The following KSR2 variants were observed in gnomAD, a reference collection of about 807,000 sequenced individuals.
The protein encoded by KSR2 is kinase suppressor of ras 2.
Under a neutral mutation model 107.8 loss-of-function variants are expected in KSR2, and 25 were observed. The observed-to-expected ratio is 0.23, with a 90% confidence interval of 0.17 to 0.32. The LOEUF (loss-of-function observed/expected upper bound fraction) is 0.32. Among genes scored for constraint, KSR2 ranks in the 10% least tolerant of loss-of-function variants. KSR2 has a pLI of 1.00. For synonymous variants in KSR2, 480 were observed against 507.0 expected (o/e 0.95, Z 0.71); for missense variants, 887 against 1,268.9 (o/e 0.70, Z 4.57).
chr12:117,622,481 T>C (rs952408720), intron 5 of KSR2, among the ~76,000 whole-genome samples: 3 of 152,156 alleles, frequency 2.0e-5, no homozygotes, highest in Non-Finnish European at 4.4e-5. Flanking sequence ...TTTGTGCAAT[T>C]TGAGTGTTGT....
chr12:117,804,460 C>G (rs1271825746), intron 3 of KSR2, among the ~76,000 whole-genome samples: 1 of 152,150 alleles, frequency 6.6e-6, no homozygotes, highest in East Asian at 1.9e-4. Context: ...AAAAAGTTAG[C>G]TCACCCCTGC....
intron 4 of KSR2, among the ~76,000 whole-genome samples, chr12:117,698,478 GC>G (rs1886161771): frequency 6.6e-6 from 1 of 150,940 alleles, no homozygotes; most frequent in Non-Finnish European, 1.5e-5. Context: ...ACCACTCCCA[GC>G]TATTTTTTTT....
intron 3 of KSR2, among the ~76,000 whole-genome samples, chr12:117,764,239 C>T (rs569815804): frequency 2.9e-4 from 44 of 150,010 alleles, no homozygotes; most frequent in East Asian, 1.8e-3. Flanking sequence ...TGGTTTGGGG[C>T]GGATTTTTTT....
At chr12:117,889,647 G>A (rs1894282163) in intron 1 of KSR2, 1 of 152,184 alleles carries the variant, frequency 6.6e-6, no homozygotes, top group Non-Finnish European at 1.5e-5. Flanking sequence ...CAGATGGATA[G>A]ACTGCAGAAG....
intron 1 of KSR2, among the ~76,000 whole-genome samples, chr12:117,935,840 A>G (rs976693429): frequency 3.4e-4 from 52 of 152,284 alleles, no homozygotes; most frequent in African/African-American, 1.2e-3. Flanking sequence ...GCTGTTCCTC[A>G]GACACCTCAG....
chr12:117,803,014 G>A (rs1890887322), intron 3 of KSR2, among the ~76,000 whole-genome samples: 1 of 152,176 alleles, frequency 6.6e-6, no homozygotes, highest in African/African-American at 2.4e-5. Flanking sequence ...TGTCATTACT[G>A]GATGTTTACC....
chr12:117,618,513 T>C (rs1257299401), intron 5 of KSR2, among the ~76,000 whole-genome samples: 2 of 152,074 alleles, frequency 1.3e-5, no homozygotes, highest in African/African-American at 4.8e-5. Context: ...TGGCCTGATA[T>C]GGTTTGGCTG....
chr12:117,603,012 G>A (rs542259705), intron 5 of KSR2, among the ~76,000 whole-genome samples: 1 of 152,264 alleles, frequency 6.6e-6, no homozygotes, highest in East Asian at 1.9e-4. Flanking sequence ...GCAAATTGAG[G>A]AACTTTGCTT....
chr12:117,732,041 TA>T (rs35351348), intron 4 of KSR2, among the ~76,000 whole-genome samples: 11 of 147,532 alleles, frequency 7.5e-5, no homozygotes, highest in South Asian at 2.2e-4. Flanking sequence ...CAAATACTAT[TA>T]AAAAAAAAAG....
chr12:117,512,230 C>G (rs980037782), intron 14 of KSR2, among the ~76,000 whole-genome samples: 2 of 152,206 alleles, frequency 1.3e-5, no homozygotes, highest in Non-Finnish European at 2.9e-5. Context: ...TCCCATTTGT[C>G]CTTTCAACAC....
At chr12:117,831,241 C>G (rs548565875) in intron 3 of KSR2, among the ~76,000 whole-genome samples, 221 of 152,278 alleles carry the variant, frequency 1.5e-3, no homozygotes, top group Non-Finnish European at 2.6e-3. Flanking sequence ...TTTTTCCATC[C>G]TGGTTCTTAA....
At chr12:117,819,402 T>A (rs1439261591) in intron 3 of KSR2, among the ~76,000 whole-genome samples, 1 of 152,092 alleles carries the variant, frequency 6.6e-6, no homozygotes, top group Admixed American at 6.6e-5. Flanking sequence ...GGATCCAGAG[T>A]TGCTGAGAGC....
intron 5 of KSR2, among the ~76,000 whole-genome samples, chr12:117,614,897 C>T (rs1201081967): frequency 6.6e-6 from 1 of 152,052 alleles, no homozygotes; most frequent in Non-Finnish European, 1.5e-5. Context: ...GTTTTTTGTC[C>T]TGACATCTTT....
Position 117,678,641 on chromosome 12 carries a change from G to A in KSR2, c.987-10983C>T, listed in dbSNP as rs1303782809. On this transcript the variant is annotated intron_variant, in intron 4 of 19. Coordinates refer to ENST00000339824, the MANE Select transcript of KSR2 (RefSeq NM_173598.6). ...CAGGATCTGGCCTGGGAGGAATATG[G>A]TTCCCCTATGGTCACGGGATCTGTT... Among the ~76,000 whole-genome samples, 4 of 152,154 alleles carry A rather than the reference G, an allele frequency of 2.6e-5. No homozygotes were observed. The East Asian group carries it at 5.8e-4, about 22-fold the overall frequency.
chr12:117,879,796 G>A (rs1222008684), intron 1 of KSR2, among the ~76,000 whole-genome samples: 1 of 152,168 alleles, frequency 6.6e-6, no homozygotes, highest in Non-Finnish European at 1.5e-5. Context: ...ATTAACCAAC[G>A]TTGCAATTGG....
At chr12:117,773,465 A>G (rs1036437510) in intron 3 of KSR2, among the ~76,000 whole-genome samples, 1 of 152,196 alleles carries the variant, frequency 6.6e-6, no homozygotes, top group Admixed American at 6.5e-5. Context: ...GTCCCTTCCC[A>G]TTAAAATGTT....
At chr12:117,873,129 G>C (rs1239657391) in intron 1 of KSR2, among the ~76,000 whole-genome samples, 1 of 152,080 alleles carries the variant, frequency 6.6e-6, no homozygotes, top group East Asian at 1.9e-4. Flanking sequence ...CAGATCACCT[G>C]AGGTCAGGAG....
rs552061881 is a variant in KSR2 at position 117,722,043 on chromosome 12, TA to T, written c.986+38967del. ...TTAAATGTGTAATTCCATTTAATTTTATTTTTTTTTAACATTTTTTTAAGGG... is the reference window on the plus strand; with the variant it reads ...TTAAATGTGTAATTCCATTTAATTTTTTTTTTTTTAACATTTTTTTAAGGG... On this transcript the variant is annotated intron_variant, in intron 4 of 19. Transcript: ENST00000339824. Among the ~76,000 whole-genome samples the T allele has an allele frequency of 2.6e-5, 4 of 151,962 alleles. No homozygotes were observed. In the South Asian group the frequency reaches 8.3e-4, roughly 32 times the overall value.
intron 10 of KSR2, among the ~76,000 whole-genome samples, chr12:117,535,506 C>A (rs1875980189): frequency 6.6e-6 from 1 of 152,062 alleles, no homozygotes; most frequent in African/African-American, 2.4e-5. Context: ...GCCCACATGG[C>A]CCAAGTGAGG....
Sources: allele counts gnomAD v4.1 joint callset (sites outside exome capture counted in the v4.1 genomes callset), GRCh38; gene constraint gnomAD v4.1.1; transcripts MANE v1.5; gene names NCBI Gene and HGNC (gene_info 2026-07-23, HGNC 2026-07-21).